The following SYNE1 variants were observed in gnomAD, a reference collection of about 807,000 sequenced individuals.
The protein encoded by SYNE1 is spectrin repeat containing nuclear envelope protein 1.
A neutral mutation model predicts 1,111.0 loss-of-function variants in SYNE1; 616 were observed. That is an observed-to-expected ratio of 0.55 (90% CI 0.52 to 0.59). The LOEUF (loss-of-function observed/expected upper bound fraction) is 0.59, where lower values mean the gene tolerates loss of function less well. Among genes scored for constraint, SYNE1 ranks in the 20% least tolerant of loss-of-function variants. SYNE1 has a pLI of 0.00. For missense variants in SYNE1, 10,006 were observed against 10,417.0 expected (o/e 0.96, Z 1.72); for synonymous variants, 3,855 against 3,825.8 (o/e 1.01, Z -0.28).
At chr6:152,349,859 G>T (rs2096711137) in intron 72 of SYNE1, among the ~76,000 whole-genome samples, 1 of 152,102 alleles carries the variant, frequency 6.6e-6, no homozygotes, top group Admixed American at 6.5e-5. Context: ...CCCTGGAAAT[G>T]CTCTCTTCTG....
At position 152,597,301 on chromosome 6, in the gene SYNE1, G is replaced by A. The variant is rs117238144; in HGVS notation, c.67+30964C>T. Among the ~76,000 whole-genome samples, 248 of 152,232 alleles carry A rather than the reference G, an allele frequency of 1.6e-3. 1 individual carries two copies. Among genetic ancestry groups the A allele is most frequent in the Non-Finnish European group, 1.8e-3 (124 of 68,014 alleles). On this transcript the variant is annotated intron_variant, in intron 3 of 145. Coordinates refer to ENST00000367255, the MANE Select transcript of SYNE1 (RefSeq NM_182961.4). The stretch of plus-strand genomic sequence containing the variant: ...CAAACTTTCTTTTTTCTTAGATACA[G>A]TGTCTCACTCTAGTTTCCGAGGCTG...
Position 152,239,915 on chromosome 6 carries a change from G to A in SYNE1, c.19894-209C>T, listed in dbSNP as rs374145627. Among the ~76,000 whole-genome samples the A allele has an allele frequency of 1.1e-3, 173 of 152,230 alleles. 2 individuals are homozygous for A. In the South Asian group the frequency reaches 0.029, roughly 25 times the overall value. On this transcript the variant is annotated intron_variant, in intron 107 of 145. Coordinates refer to ENST00000367255, the MANE Select transcript of SYNE1 (RefSeq NM_182961.4). Reference sequence around the variant, plus strand: ...TCTACTAAAAATACAAAAATCAGCCGGGCATGCTGGTGTGTGCCTGTAATC... The same window carrying A: ...TCTACTAAAAATACAAAAATCAGCCAGGCATGCTGGTGTGTGCCTGTAATC...
chr6:152,567,446 A>G (rs1306197847), intron 3 of SYNE1, among the ~76,000 whole-genome samples: 1 of 152,198 alleles, frequency 6.6e-6, no homozygotes, highest in East Asian at 1.9e-4. Flanking sequence ...TAAAGATCGT[A>G]ATTAGCCTAT....
chr6:152,554,255 T>C (rs1034299028), intron 3 of SYNE1, among the ~76,000 whole-genome samples: 1 of 151,962 alleles, frequency 6.6e-6, no homozygotes, highest in South Asian at 2.1e-4. Flanking sequence ...AATAATGAGA[T>C]CAGTAGTTCT....
chr6:152,164,340 G>A lies in SYNE1; in HGVS notation c.23628-15C>T, dbSNP rs772656850. 2 of 1,613,920 alleles carry A rather than the reference G, an allele frequency of 1.2e-6. No homozygotes were observed. The highest frequency in any genetic ancestry group is 1.7e-5 in the Admixed American group (1 of 60,012). On this transcript the variant is annotated splice_polypyrimidine_tract_variant and intron_variant, in intron 130 of 145. Transcript: ENST00000367255. ...GCTTCTTCACCCTGTGGGCAGAGAA[G>A]GGGGAATGTCCCACTTCAGCGAGAG...
At chr6:152,154,809 C>A (rs1274927712) in intron 133 of SYNE1, 83 bp downstream of exon 133, 3 of 1,489,674 alleles carry the variant, frequency 2.0e-6, no homozygotes, top group East Asian at 4.5e-5. Flanking sequence ...TGGTGAACAG[C>A]TAGTTTAGGT....
At chr6:152,465,766 TACACACAC>T (rs71017538) in intron 17 of SYNE1, among the ~76,000 whole-genome samples, 1 of 133,358 alleles carries the variant, frequency 7.5e-6, no homozygotes, top group Admixed American at 7.5e-5. Context: ...GAAGAACACA[TACACACAC>T]ACACACACAC....
intron 11 of SYNE1, among the ~76,000 whole-genome samples, chr6:152,495,951 G>C (rs1473354744): frequency 6.6e-6 from 1 of 152,198 alleles, no homozygotes; most frequent in Non-Finnish European, 1.5e-5. Flanking sequence ...TTGTGGCACA[G>C]AAACTTCATA....
At chr6:152,565,974 TG>T (rs1160758612) in intron 3 of SYNE1, among the ~76,000 whole-genome samples, 1 of 152,202 alleles carries the variant, frequency 6.6e-6, no homozygotes, top group African/African-American at 2.4e-5. Flanking sequence ...ACATGGGTGA[TG>T]GGAGCAGAGG....
chr6:152,438,584 C>A (rs2098498280), intron 32 of SYNE1, among the ~76,000 whole-genome samples: 3 of 152,306 alleles, frequency 2.0e-5, no homozygotes, highest in Middle Eastern at 3.4e-3. Context: ...GAAACCTAGG[C>A]TCCAACCTTC....
intron 75 of SYNE1, 24 bp downstream of exon 75, chr6:152,339,217 C>A (rs2096479087): frequency 1.2e-6 from 2 of 1,611,768 alleles, no homozygotes; most frequent in Non-Finnish European, 1.7e-6. Flanking sequence ...CAAACAAATT[C>A]AATGTGATTT....
At chr6:152,553,008 TTAA>T (rs1000404576) in intron 3 of SYNE1, among the ~76,000 whole-genome samples, 8 of 152,196 alleles carry the variant, frequency 5.3e-5, no homozygotes, top group Admixed American at 4.6e-4. Context: ...AAGGTTACTT[TTAA>T]TAATAATAGA....
At chr6:152,373,265 T>C (rs1359755503) in intron 58 of SYNE1, 46 bp from the exon 59 acceptor site, 4 of 1,536,946 alleles carry the variant, frequency 2.6e-6, no homozygotes, top group Admixed American at 4.2e-5. Context: ...ATATTGTGTG[T>C]TGTTTCTATT....
chr6:152,627,573 G>A (rs948914411), intron 3 of SYNE1, among the ~76,000 whole-genome samples: 6 of 152,116 alleles, frequency 3.9e-5, no homozygotes, highest in East Asian at 1.9e-4. Flanking sequence ...GAGGAGAATC[G>A]CTTGAACAGG....
chr6:152,304,959 C>A (rs2095326818), intron 91 of SYNE1, among the ~76,000 whole-genome samples: 1 of 152,104 alleles, frequency 6.6e-6, no homozygotes. Context: ...TAAGTGTAAA[C>A]CTCTTGTAAT....
chr6:152,152,087 G>A lies in SYNE1; in HGVS notation c.24184C>T (p.Gln8062Ter), dbSNP rs2060522442. Residue 8062 changes from glutamine (Q) to a stop codon, truncating the protein, a stop_gained, in exon 134 of 146, where the codon CAG becomes TAG. Transcript: ENST00000367255. LOFTEE classifies it high-confidence loss of function. The part of the protein sequence containing the change: ...CLTQLELINK[Q>*]YRRLARENRT... ...TTCTCCCTGGCCAGGCGGCGGTACT[G>A]CTTGTTGATCAGTTCCAGCTGCGTC... 6.2e-7 allele frequency: 1 copy of A among 1,614,066 alleles called. No individual in the cohort carries two copies. Among genetic ancestry groups the A allele is most frequent in the Non-Finnish European group, 8.5e-7 (1 of 1,180,042 alleles).
chr6:152,333,853 G>A (rs913505784), intron 77 of SYNE1, among the ~76,000 whole-genome samples, 155 bp downstream of exon 77: 2 of 151,922 alleles, frequency 1.3e-5, no homozygotes, highest in African/African-American at 2.4e-5. Flanking sequence ...GGCTGGTCTC[G>A]AACTCCTGAC....
chr6:152,418,914 G>T (rs2098210407), intron 40 of SYNE1, among the ~76,000 whole-genome samples: 2 of 152,104 alleles, frequency 1.3e-5, no homozygotes, highest in Admixed American at 1.3e-4. Flanking sequence ...CCCATAGCTT[G>T]TCCCTACTAC....
intron 75 of SYNE1, among the ~76,000 whole-genome samples, chr6:152,338,041 G>A (rs1013765118): frequency 2.6e-5 from 4 of 152,150 alleles, no homozygotes; most frequent in Non-Finnish European, 4.4e-5. Context: ...CCAGCTACTC[G>A]GGAGGTTGAG....
Sources: gnomAD v4.1 joint callset for allele counts (sites outside exome capture counted in the v4.1 genomes callset) on GRCh38, gnomAD v4.1.1 for gene constraint, MANE v1.5 for transcripts, NCBI Gene and HGNC (gene_info 2026-07-23, HGNC 2026-07-21) for gene names.